The following TEX101 variants were observed in gnomAD, a reference collection of about 807,000 sequenced individuals.
The protein encoded by TEX101 is testis-expressed protein 101.
A neutral mutation model predicts 18.1 loss-of-function variants in TEX101; 10 were observed. The ratio of observed to expected loss-of-function variants is 0.55; its 90% CI spans 0.34 to 0.94. The LOEUF is 0.94. Among genes scored for constraint, TEX101 ranks in the 40% least tolerant of loss-of-function variants. The probability of loss-of-function intolerance (pLI) is 0.02; values close to 1 mark genes in which losing one functional copy is unlikely to be tolerated. For missense variants in TEX101, 259 were observed against 298.9 expected, an observed-to-expected ratio of 0.87 and a Z score of 0.98; for synonymous variants, 94 against 114.8, an observed-to-expected ratio of 0.82 and a Z score of 1.16.
the TEX101 span, among the ~76,000 whole-genome samples, chr19:43,395,508 C>T: frequency 6.6e-6 from 1 of 152,234 alleles, no homozygotes; most frequent in Admixed American, 6.5e-5. Context: ...TTTATCAATT[C>T]ATTGGGCACT....
upstream of TEX101, among the ~76,000 whole-genome samples, chr19:43,397,736 AT>A: frequency 7.2e-6 from 1 of 139,842 alleles, no homozygotes; most frequent in South Asian, 2.1e-4. Flanking sequence ...TACATAGTCC[AT>A]TTTCAATCTT....
upstream of TEX101, among the ~76,000 whole-genome samples, chr19:43,410,408 A>C (rs1014954220): frequency 1.3e-5 from 2 of 152,086 alleles, no homozygotes; most frequent in African/African-American, 4.8e-5. Flanking sequence ...CTGGGAATAG[A>C]TATTAGACAG....
chr19:43,406,164 T>G, intron 2 of TEX101: 1 of 263,772 alleles, frequency 3.8e-6, no homozygotes, highest in South Asian at 8.5e-5. Context: ...GACTGTTGAA[T>G]TAAAACAAAA....
the TEX101 span, among the ~76,000 whole-genome samples, chr19:43,391,119 G>T: frequency 4.6e-5 from 7 of 152,168 alleles, no homozygotes; most frequent in Non-Finnish European, 7.3e-5. Flanking sequence ...TGTACATATA[G>T]ACCACGTTTT....
upstream of TEX101, among the ~76,000 whole-genome samples, chr19:43,397,160 C>T (rs8112496): frequency 0.32 from 48,603 of 151,864 alleles, 8,375 homozygotes; most frequent in East Asian, 0.72. Flanking sequence ...TATTATGAAG[C>T]TGGGTGATTG....
chr19:43,402,459 A>C (rs1970325985), intron 1 of TEX101, among the ~76,000 whole-genome samples: 1 of 152,240 alleles, frequency 6.6e-6, no homozygotes, highest in Non-Finnish European at 1.5e-5. Context: ...ATTTGTTTAT[A>C]AGTATCTTTT....
upstream of TEX101, among the ~76,000 whole-genome samples, chr19:43,397,550 A>G (rs867260565): frequency 6.7e-6 from 1 of 150,030 alleles, no homozygotes; most frequent in Middle Eastern, 3.4e-3. Flanking sequence ...CTTATATTCA[A>G]GTTTAACATT....
chr19:43,388,770 T>C, the TEX101 span, among the ~76,000 whole-genome samples: 381 of 152,330 alleles, frequency 2.5e-3, 3 homozygotes, highest in African/African-American at 7.2e-3. Context: ...TAGCAGATTG[T>C]ATCACATTTT....
upstream of TEX101, among the ~76,000 whole-genome samples, chr19:43,413,359 G>A (rs567258809): frequency 7.2e-5 from 11 of 152,086 alleles, no homozygotes; most frequent in African/African-American, 1.9e-4. Flanking sequence ...AAAATTAGCC[G>A]GGTGTGGTGG....
chr19:43,397,919 TTA>T (rs1158994135), upstream of TEX101, among the ~76,000 whole-genome samples: 3 of 44,644 alleles, frequency 6.7e-5, no homozygotes, highest in Non-Finnish European at 1.2e-4. Context: ...AAAATATATA[TTA>T]TATATAAATA....
At chr19:43,394,687 G>T in the TEX101 span, among the ~76,000 whole-genome samples, 1 of 152,102 alleles carries the variant, frequency 6.6e-6, no homozygotes, top group Non-Finnish European at 1.5e-5. Flanking sequence ...AGCCAGGATG[G>T]TCTGGATCTC....
At chr19:43,401,858 G>A (rs1469094677) in intron 1 of TEX101, among the ~76,000 whole-genome samples, 4 of 151,448 alleles carry the variant, frequency 2.6e-5, no homozygotes, top group South Asian at 2.1e-4. Flanking sequence ...AAAAAAAAAA[G>A]AGAAAACTTA....
At position 43,416,457 on chromosome 19, in the gene TEX101, C is replaced by T; in HGVS notation, c.293C>T (p.Pro98Leu). 1.2e-6 allele frequency: 2 copies of T among 1,614,204 alleles called. No individual in the cohort carries two copies. Among genetic ancestry groups the T allele is most frequent in the South Asian group, 2.2e-5 (2 of 91,080 alleles). ...ACAATTGTCCAGCACTCTTCACCTCCCGGCCTGATCGTGACCTCCTACAGT... is the reference window on the plus strand; with the variant it reads ...ACAATTGTCCAGCACTCTTCACCTCTCGGCCTGATCGTGACCTCCTACAGT... ...AITIVQHSSP[P>L]GLIVTSYSNY... is the part of the protein sequence containing the mutation. Residue 98 changes from proline (P) to leucine (L), a missense_variant, in exon 4 of 6, where the codon CCC becomes CTC. Pro to Leu is a moderately conservative substitution (Grantham distance 98). Coordinates refer to ENST00000598265, the MANE Select transcript of TEX101 (RefSeq NM_001130011.3).
chr19:43,396,607 T>A (rs1477843936), upstream of TEX101, among the ~76,000 whole-genome samples: 1 of 152,102 alleles, frequency 6.6e-6, no homozygotes, highest in Admixed American at 6.5e-5. Context: ...TTTAGGTGCA[T>A]CCTGAAGGAG....
upstream of TEX101, among the ~76,000 whole-genome samples, chr19:43,397,513 T>C (rs759473649): frequency 3.3e-5 from 5 of 151,952 alleles, no homozygotes; most frequent in African/African-American, 4.8e-5. Flanking sequence ...ATTGAAAACA[T>C]AATACCAAGA....
rs956796096 is a variant in TEX101 at position 43,403,662 on chromosome 19, T to TA, written c.-283+814dup. ...ATAAACTAAATGTTCTAATTGATTT[T>TA]AAAAAAAAAAAGGAAAAAGAAAAAG... On this transcript the variant is annotated intron_variant, in intron 2 of 7. Transcript: ENST00000602198. Among the ~76,000 whole-genome samples the TA allele has an allele frequency of 9.3e-3, 1,358 of 145,432 alleles. 15 individuals are homozygous for TA. The highest frequency in any genetic ancestry group is 0.03 in the African/African-American group (1,202 of 39,712).
chr19:43,414,848 T>G, upstream of TEX101: 1 of 985,188 alleles, frequency 1.0e-6, no homozygotes, highest in Non-Finnish European at 1.2e-6. Context: ...ACCAATGGGG[T>G]TTCGAGTGCT....
At chr19:43,415,831 C>T in intron 1 of TEX101, 50 bp from the exon 2 acceptor site, 1 of 1,529,064 alleles carries the variant, frequency 6.5e-7, no homozygotes, top group Non-Finnish European at 9.1e-7. Flanking sequence ...GATTTGATCT[C>T]ATGCACTCTG....
At position 43,416,417 on chromosome 19, in the gene TEX101, G is replaced by A. The variant is rs761316843; in HGVS notation, c.253G>A (p.Gly85Arg). 1.4e-5 allele frequency: 22 copies of A among 1,614,176 alleles called. No homozygotes were observed. Among genetic ancestry groups the A allele is most frequent in the Non-Finnish European group, 1.9e-5 (22 of 1,180,024 alleles). ...GGCCACGAAGGGCTGCATCCCGGAA[G>A]GGGAGGAGGCCATAACAATTGTCCA... ...ILATKGCIPE[G>R]EEAITIVQHS... The change falls in exon 4 of 6, where the codon GGG (glycine) becomes AGG (arginine). Residue 85 changes from glycine (G) to arginine (R), a missense_variant. Coordinates refer to ENST00000598265, the MANE Select transcript of TEX101 (RefSeq NM_001130011.3).
Sources: allele counts gnomAD v4.1 joint callset (sites outside exome capture counted in the v4.1 genomes callset), GRCh38; gene constraint gnomAD v4.1.1; transcripts MANE v1.5; gene names NCBI Gene and HGNC (gene_info 2026-07-23, HGNC 2026-07-21).